Variants in RHOH observed in about 807,000 individuals in gnomAD.
RHOH encodes rho-related GTP-binding protein RhoH.
A neutral mutation model predicts 13.8 loss-of-function variants in RHOH; 6 were observed. The observed-to-expected ratio is 0.44, with a 90% CI of 0.24 to 0.86. RHOH has a LOEUF of 0.86. Among genes scored for constraint, RHOH ranks in the 40% least tolerant of loss-of-function variants. The pLI is 0.24. For synonymous variants in RHOH, 117 were observed against 103.0 expected (o/e 1.14, Z -0.82); for missense variants, 147 against 244.5 (o/e 0.60, Z 2.66).
chr4:40,225,664 T>G (rs1727138949), intron 1 of RHOH, among the ~76,000 whole-genome samples: 1 of 152,190 alleles, frequency 6.6e-6, no homozygotes, highest in Non-Finnish European at 1.5e-5. Flanking sequence ...ATCTTTAAAA[T>G]GCTGTAAGAA....
At chr4:40,231,156 T>A (rs1727884863) in intron 1 of RHOH, among the ~76,000 whole-genome samples, 1 of 152,140 alleles carries the variant, frequency 6.6e-6, no homozygotes, top group Non-Finnish European at 1.5e-5. Context: ...TGGAATCTCC[T>A]GTACAGGCCA....
intron 1 of RHOH, among the ~76,000 whole-genome samples, chr4:40,236,547 T>A (rs1728591455): frequency 6.6e-6 from 1 of 152,018 alleles, no homozygotes; most frequent in Non-Finnish European, 1.5e-5. Context: ...TCCCAGCACT[T>A]TGGGAAGCTG....
chr4:40,194,691 C>T (rs1294885743), upstream of RHOH, among the ~76,000 whole-genome samples: 2 of 152,198 alleles, frequency 1.3e-5, no homozygotes, highest in Non-Finnish European at 2.9e-5. Flanking sequence ...AGTCATTTTT[C>T]ATCTCTGGAT....
chr4:40,226,541 A>C lies in RHOH; in HGVS notation c.-330-16173A>C, dbSNP rs1030498046. Among the ~76,000 whole-genome samples, 5 of 148,046 alleles carry C rather than the reference A, an allele frequency of 3.4e-5. No individual in the cohort carries two copies. In the South Asian group the frequency reaches 1.1e-3, roughly 32 times the overall value. ...AACTCCATCTCAAAAAAAAAAAAAA[A>C]AAAAGAAAAAGAAAAAAATATCTAA... is the stretch of plus-strand genomic sequence containing the variant. On this transcript the variant is annotated intron_variant, in intron 1 of 2. Coordinates refer to ENST00000381799, the MANE Select transcript of RHOH (RefSeq NM_004310.5).
chr4:40,229,860 A>C (rs1393739545), intron 1 of RHOH, among the ~76,000 whole-genome samples: 5 of 151,990 alleles, frequency 3.3e-5, no homozygotes, highest in Admixed American at 6.6e-5. Flanking sequence ...CATCTTATTG[A>C]TTTTCCTCAT....
At chr4:40,203,003 G>C (rs191990677) in intron 1 of RHOH, among the ~76,000 whole-genome samples, 2 of 151,486 alleles carry the variant, frequency 1.3e-5, no homozygotes, top group African/African-American at 4.9e-5. Flanking sequence ...ATGGAGTCTC[G>C]CTCTGTTGCC....
intron 1 of RHOH, among the ~76,000 whole-genome samples, chr4:40,231,767 T>C (rs1486588976): frequency 1.3e-5 from 2 of 151,868 alleles, no homozygotes; most frequent in Non-Finnish European, 2.9e-5. Flanking sequence ...CCCACTTGCC[T>C]CTTTGGTCTT....
At chr4:40,217,547 CA>C (rs1726030229) in intron 1 of RHOH, among the ~76,000 whole-genome samples, 1 of 152,148 alleles carries the variant, frequency 6.6e-6, no homozygotes, top group Admixed American at 6.5e-5. Context: ...TTACGTTGCA[CA>C]TACCGATTTG....
At chr4:40,200,681 G>A (rs544985409) in intron 1 of RHOH, 1 of 152,242 alleles carries the variant, frequency 6.6e-6, no homozygotes, top group Non-Finnish European at 1.5e-5. Flanking sequence ...ATGAGTTATC[G>A]GGAGCGGGGT....
chr4:40,237,885 G>C (rs1056207428), intron 1 of RHOH, among the ~76,000 whole-genome samples: 1 of 152,084 alleles, frequency 6.6e-6, no homozygotes, highest in Admixed American at 6.5e-5. Flanking sequence ...AATAACAATC[G>C]GTTAATAATA....
intron 1 of RHOH, among the ~76,000 whole-genome samples, chr4:40,202,206 C>T (rs1724103469): frequency 6.6e-6 from 1 of 152,048 alleles, no homozygotes; most frequent in African/African-American, 2.4e-5. Flanking sequence ...CTTGGCCTCC[C>T]AAAGTGCTAG....
In RHOH at chr4:40,200,081, T is replaced by A. The variant is rs530275045; in HGVS notation, c.-331+2781T>A. On this transcript the variant is annotated intron_variant, in intron 1 of 2. Transcript: ENST00000381799. ...CACAAGTCAGGATGGGGTGCACAGG[T>A]GGAGGCTGGGAGGCAGCATGACAGT... Among the ~76,000 whole-genome samples, 34 of 151,896 alleles carry A rather than the reference T, an allele frequency of 2.2e-4. No individual in the cohort carries two copies. The South Asian group carries it at 7.1e-3, about 32-fold the overall frequency.
Position 40,243,655 on chromosome 4 carries a change from C to G in RHOH, c.269C>G (p.Ser90Ter), listed in dbSNP as rs766547117. The G allele has an allele frequency of 6.2e-7, 1 of 1,614,222 alleles. No homozygotes were observed. The highest frequency in any genetic ancestry group is 8.5e-7 in the Non-Finnish European group (1 of 1,180,042). The change falls in exon 3 of 3, where the codon TCA becomes TGA. Residue 90 changes from serine to a stop codon, truncating the protein, a stop_gained. Coordinates refer to ENST00000381799, the MANE Select transcript of RHOH (RefSeq NM_004310.5). LOFTEE classifies it high-confidence loss of function. The surrounding 1 kb of genome is among the most constrained non-coding windows in gnomAD (Gnocchi z 6.2). ...TGCTACTCTGTGGCCAACCATAACT[C>G]ATTCCTGAACTTGAAGAACAAGTGG... ...LMCYSVANHN[S>*]FLNLKNKWIG...
Position 40,243,878 on chromosome 4 carries a change from G to A in RHOH, c.492G>A (p.Glu164=). ...ATCGGGGAGTACAGCAGGTGTTTGA[G>A]TGCGCCGTCCGAACTGCCGTCAACC... ...LSNRGVQQVF[E]CAVRTAVNQA... The change falls in exon 3 of 3, where the codon GAG becomes GAA. Residue 164 remains glutamate, a synonymous_variant. Coordinates refer to ENST00000381799, the MANE Select transcript of RHOH (RefSeq NM_004310.5). The surrounding 1 kb of genome is among the most constrained non-coding windows in gnomAD (Gnocchi z 6.2). 6.2e-7 allele frequency: 1 copy of A among 1,614,170 alleles called. No individual in the cohort carries two copies. Among genetic ancestry groups the A allele is most frequent in the Non-Finnish European group, 8.5e-7 (1 of 1,180,012 alleles).
chr4:40,233,357 T>C (rs1398875921), intron 1 of RHOH, among the ~76,000 whole-genome samples: 1 of 138,822 alleles, frequency 7.2e-6, no homozygotes, highest in East Asian at 1.9e-4. Flanking sequence ...ACATAGCCAG[T>C]GGGGCTGAAA....
intron 1 of RHOH, among the ~76,000 whole-genome samples, chr4:40,201,866 T>C (rs1430872182): frequency 6.6e-6 from 1 of 152,082 alleles, no homozygotes; most frequent in Admixed American, 6.5e-5. Context: ...ATATTCACTG[T>C]ATTATCATTT....
In RHOH at chr4:40,217,862, G is replaced by A. The variant is rs563040884; in HGVS notation, c.-331+20562G>A. ...TCAAACATGTCGATAATAGCTGTGT[G>A]TGCTACTCGAGTGGCGTCAAAGATG... On this transcript the variant is annotated intron_variant, in intron 1 of 2. Transcript: ENST00000381799. 3.2e-4 allele frequency among the ~76,000 whole-genome samples: 48 copies of A among 152,304 alleles called. 2 individuals are homozygous for A. In the South Asian group the frequency reaches 9.7e-3, roughly 31 times the overall value.
chr4:40,196,410 T>C (rs1723137579), upstream of RHOH, among the ~76,000 whole-genome samples: 1 of 152,180 alleles, frequency 6.6e-6, no homozygotes, highest in African/African-American at 2.4e-5. Flanking sequence ...AGTAAACTTG[T>C]GTTTTTAGGC....
At chr4:40,193,725 C>G (rs1722859340), upstream of RHOH, 1 of 152,542 alleles carries the variant, frequency 6.6e-6, no homozygotes, top group Non-Finnish European at 1.5e-5. Context: ...TCATCTAAAA[C>G]TGGCAATTCC....
Sources: allele counts gnomAD v4.1 joint callset (sites outside exome capture counted in the v4.1 genomes callset), GRCh38; gene constraint gnomAD v4.1.1; non-coding constraint Gnocchi (gnomAD v3.1); transcripts MANE v1.5; gene names NCBI Gene and HGNC (gene_info 2026-07-23, HGNC 2026-07-21).